The following PRKAR1A variants were observed in gnomAD, a reference collection of about 807,000 sequenced individuals.
The protein encoded by PRKAR1A is cAMP-dependent protein kinase type I-alpha regulatory subunit.
In PRKAR1A, 3 loss-of-function variants were observed where a neutral mutation model predicts 52.0. The observed-to-expected ratio is 0.06, with a 90% CI of 0.03 to 0.15. PRKAR1A has a LOEUF of 0.15. Ranked by LOEUF, PRKAR1A falls within the 10% of genes least tolerant of loss-of-function variation. The pLI, the probability that PRKAR1A is intolerant of heterozygous loss-of-function variation, is 1.00. For missense variants in PRKAR1A, 240 were observed against 477.4 expected (o/e 0.50, Z 4.63); for synonymous variants, 188 against 168.4 (o/e 1.12, Z -0.90).
chr17:68,539,206 G>T (rs2086186467), intron 11 of PRKAR1A: 4 of 793,568 alleles, frequency 5.0e-6, no homozygotes, highest in Non-Finnish European at 8.7e-6. Context: ...AGGAAATAAG[G>T]TGATTCATGT....
At chr17:68,516,890 G>A (rs181806644) in intron 2 of PRKAR1A, among the ~76,000 whole-genome samples, 1 of 152,318 alleles carries the variant, frequency 6.6e-6, no homozygotes, top group Non-Finnish European at 1.5e-5. Flanking sequence ...GTGCATTCCT[G>A]GAGATCCGGT....
At chr17:68,515,857 A>G (rs2085416125) in intron 2 of PRKAR1A, 13 of 425,350 alleles carry the variant, frequency 3.1e-5, no homozygotes, top group South Asian at 2.5e-4. Flanking sequence ...GCGTAGAACT[A>G]TAACAGATAA....
intron 2 of PRKAR1A, chr17:68,515,795 A>C (rs2085413879): frequency 3.3e-6 from 2 of 597,414 alleles, no homozygotes; most frequent in Non-Finnish European, 5.7e-6. Flanking sequence ...TGCTAACTGT[A>C]CTTGGCTAAT....
chr17:68,429,124 T>C, the PRKAR1A span, among the ~76,000 whole-genome samples: 9 of 152,322 alleles, frequency 5.9e-5, no homozygotes, highest in South Asian at 1.9e-3. Flanking sequence ...CTTTCAGGAT[T>C]ATTTCTTGTC....
At chr17:68,426,235 T>TGCCG in the PRKAR1A span, 1 of 652,396 alleles carries the variant, frequency 1.5e-6, no homozygotes, top group Non-Finnish European at 2.2e-6. Flanking sequence ...TGCCATGACC[T>TGCCG]GGCGGGTGGG....
At chr17:68,496,818 CTT>C in the PRKAR1A span, among the ~76,000 whole-genome samples, 18 of 91,238 alleles carry the variant, frequency 2.0e-4, no homozygotes, top group African/African-American at 6.9e-4. Flanking sequence ...TTAGTTTTTA[CTT>C]TTTTTTTTTT....
intron 2 of PRKAR1A, 135 bp downstream of exon 2, chr17:68,515,711 G>A: frequency 1.8e-6 from 2 of 1,111,906 alleles, no homozygotes; most frequent in African/African-American, 1.6e-5. Flanking sequence ...TTTCAAATAA[G>A]AAATACAGTT....
chr17:68,438,746 G>A, the PRKAR1A span, among the ~76,000 whole-genome samples: 7 of 152,282 alleles, frequency 4.6e-5, no homozygotes, highest in African/African-American at 7.2e-5. Context: ...GATTACAGGC[G>A]TGTGCCACCA....
At chr17:68,415,500 G>T in the PRKAR1A span, among the ~76,000 whole-genome samples, 5 of 152,182 alleles carry the variant, frequency 3.3e-5, no homozygotes, top group African/African-American at 1.2e-4. Flanking sequence ...TTCTGCAGTT[G>T]TTGGTTGGAA....
At chr17:68,434,424 G>A in the PRKAR1A span, 3 of 829,714 alleles carry the variant, frequency 3.6e-6, no homozygotes, top group Non-Finnish European at 5.6e-6. Flanking sequence ...AATTACCTGG[G>A]AGAGTAGTTA....
chr17:68,491,788 CAA>C, the PRKAR1A span, among the ~76,000 whole-genome samples: 1 of 136,456 alleles, frequency 7.3e-6, no homozygotes. Flanking sequence ...TGCTAACGCA[CAA>C]AAAAAAAAAG....
intron 2 of PRKAR1A, among the ~76,000 whole-genome samples, chr17:68,521,456 C>G (rs11868251): frequency 4.6e-5 from 7 of 152,190 alleles, no homozygotes; most frequent in African/African-American, 7.2e-5. Flanking sequence ...GTCTCGAACT[C>G]CTGGACTCAA....
At chr17:68,455,436 G>C in the PRKAR1A span, among the ~76,000 whole-genome samples, 1 of 151,848 alleles carries the variant, frequency 6.6e-6, no homozygotes, top group Non-Finnish European at 1.5e-5. Context: ...TAGGGGACTG[G>C]TAAGGGTTTG....
chr17:68,539,930 T>C, intron 11 of PRKAR1A: 1 of 1,614,172 alleles, frequency 6.2e-7, no homozygotes, highest in Non-Finnish European at 8.5e-7. Flanking sequence ...ATCCCCGAAC[T>C]TGGTGAACAT....
chr17:68,523,332 G>T (rs999557528), intron 3 of PRKAR1A, among the ~76,000 whole-genome samples: 1 of 152,192 alleles, frequency 6.6e-6, no homozygotes, highest in Non-Finnish European at 1.5e-5. Context: ...TATGCTGTTA[G>T]CCTTAAAGGG....
At chr17:68,543,652 C>G in intron 11 of PRKAR1A, 1 of 1,614,172 alleles carries the variant, frequency 6.2e-7, no homozygotes, top group South Asian at 1.1e-5. Context: ...AAGCTGCGAT[C>G]TCAGCATTGT....
chr17:68,453,744 G>A, the PRKAR1A span, among the ~76,000 whole-genome samples: 95 of 152,220 alleles, frequency 6.2e-4, no homozygotes, highest in African/African-American at 2.2e-3. Flanking sequence ...CTCCCAAAGT[G>A]CTTAGGCATC....
the PRKAR1A span, chr17:68,414,112 G>C: frequency 1.3e-5 from 2 of 156,802 alleles, no homozygotes; most frequent in African/African-American, 4.8e-5. Flanking sequence ...GACCGGAGCT[G>C]TTCCTATTCG....
At chr17:68,433,456 C>T in the PRKAR1A span, 28 of 1,612,038 alleles carry the variant, frequency 1.7e-5, no homozygotes, top group South Asian at 2.0e-4. Context: ...TGGTGCCCCG[C>T]GGAGTACTTG....
Sources: allele counts gnomAD v4.1 joint callset (sites outside exome capture counted in the v4.1 genomes callset), GRCh38; gene constraint gnomAD v4.1.1; transcripts MANE v1.5; gene names NCBI Gene and HGNC (gene_info 2026-07-23, HGNC 2026-07-21).